Variants in PCDHGA7 observed in about 807,000 individuals in gnomAD.
PCDHGA7 encodes the protein protocadherin gamma-A7.
A neutral mutation model predicts 58.3 loss-of-function variants in PCDHGA7; 44 were observed. The observed-to-expected ratio is 0.75, with a 90% CI of 0.59 to 0.97. The LOEUF (loss-of-function observed/expected upper bound fraction) is 0.97. Ranked by LOEUF, PCDHGA7 falls within the 50% of genes least tolerant of loss-of-function variation. The pLI is 0.00. For synonymous variants in PCDHGA7, 516 were observed against 504.2 expected (o/e 1.02, Z -0.31); for missense variants, 1,266 against 1,188.7 (o/e 1.06, Z -0.96).
rs754018989 is a variant in PCDHGA7, at chr5:141,384,575, C to T, written c.1676C>T (p.Pro559Leu). ...TTCGTGCTGGACCAGAATGACAACC[C>T]GCCCGAGATCCTGTACCCGGCCCTC... ...SLFVLDQNDN[P>L]PEILYPALPT... The change falls in exon 1 of 4, where the codon CCG becomes CTG. Residue 559 changes from proline to leucine, a missense_variant. Physicochemically the swap from Pro to Leu is moderately conservative, Grantham distance 98. Transcript: ENST00000518325. The T allele has an allele frequency of 8.7e-6, 14 of 1,614,258 alleles. No homozygotes were observed. Among genetic ancestry groups the T allele is most frequent in the South Asian group, 2.2e-5 (2 of 91,092 alleles).
chr5:141,415,102 A>C, intron 1 of PCDHGA7: 1 of 1,613,550 alleles, frequency 6.2e-7, no homozygotes. Flanking sequence ...AGACGCGCTC[A>C]AGCAAAGCCT....
intron 1 of PCDHGA7, chr5:141,391,220 T>C (rs1189350408): frequency 6.6e-6 from 1 of 152,208 alleles, no homozygotes; most frequent in South Asian, 2.1e-4. Context: ...GAACATTATA[T>C]GAGCCTTTTG....
chr5:141,446,757 G>A (rs769049265), intron 1 of PCDHGA7, among the ~76,000 whole-genome samples: 10 of 152,158 alleles, frequency 6.6e-5, no homozygotes, highest in African/African-American at 1.4e-4. Context: ...GTGAGCCACC[G>A]CGCCCAGCCG....
intron 1 of PCDHGA7, chr5:141,410,095 C>T (rs2095356889): frequency 1.2e-6 from 2 of 1,612,676 alleles, no homozygotes; most frequent in Non-Finnish European, 1.7e-6. Flanking sequence ...CGGCTCGAGC[C>T]TTAGGCGACA....
rs377367120 is a variant in PCDHGA7, at chr5:141,431,614, C to A, written c.2424+46291C>A. On this transcript the variant is annotated intron_variant, in intron 1 of 3. Transcript: ENST00000518325. The surrounding 1 kb of genome is among the most constrained non-coding windows in gnomAD (Gnocchi z 4.8). ...TGAGGTATTCCTTCCGGTATGTGGA[C>A]GACAAGGCGGCCCAAGTTTTCAAAC... The A allele has an allele frequency of 8.7e-6, 14 of 1,614,206 alleles. No individual in the cohort carries two copies. In the African/African-American group the frequency reaches 1.6e-4, roughly 18 times the overall value.
At chr5:141,409,243 AATC>A in intron 1 of PCDHGA7, 1 of 1,614,032 alleles carries the variant, frequency 6.2e-7, no homozygotes, top group South Asian at 1.1e-5. Context: ...GCCCAGAAAT[AATC>A]ATCACTTCTC....
chr5:141,399,642 G>T lies in PCDHGA7; in HGVS notation c.2424+14319G>T. 1.9e-6 allele frequency: 3 copies of T among 1,613,750 alleles called. 1 individual carries two copies. Among genetic ancestry groups the T allele is most frequent in the Non-Finnish European group, 2.5e-6 (3 of 1,179,856 alleles). ...TGGCCTCTTACGTGTCCATGAGCGC[G>T]CAAAGTGGGGTGGTGTTCGCGCAGC... On this transcript the variant is annotated intron_variant, in intron 1 of 3. Transcript: ENST00000518325.
chr5:141,426,542 T>C, intron 1 of PCDHGA7: 1 of 347,918 alleles, frequency 2.9e-6, no homozygotes, highest in South Asian at 2.2e-5. Context: ...AACATACTTG[T>C]GAGTGACAGA....
At chr5:141,390,611 C>A (rs1248320569) in intron 1 of PCDHGA7, 1 of 295,950 alleles carries the variant, frequency 3.4e-6, no homozygotes, top group Admixed American at 4.8e-5. Context: ...CATTTTCCTT[C>A]TTGTTGACTA....
chr5:141,392,779 T>C (rs757880986), intron 1 of PCDHGA7: 1 of 1,534,720 alleles, frequency 6.5e-7, no homozygotes, highest in African/African-American at 1.4e-5. Context: ...TTATGCACAG[T>C]GAAGATTCTG....
chr5:141,472,602 T>A (rs1032061805), intron 1 of PCDHGA7, among the ~76,000 whole-genome samples: 1 of 152,026 alleles, frequency 6.6e-6, no homozygotes, highest in South Asian at 2.1e-4. Context: ...CTTGAAATTA[T>A]AAAACAAAGA....
rs1385557537 is a variant in PCDHGA7 at position 141,415,739 on chromosome 5, GGTT to G, written c.2424+30417_2424+30419del. 2.0e-4 allele frequency: 88 copies of G among 435,112 alleles called. 2 individuals are homozygous for G. In the African/African-American group the frequency reaches 2.4e-3, roughly 12 times the overall value. 27.0% of individuals were successfully genotyped at this position (435,112 alleles called of 1,614,324 possible). A position where few individuals can be genotyped will look rare whatever the true frequency, so the allele number is the denominator to read the frequency against. On this transcript the variant is annotated intron_variant, in intron 1 of 3. Coordinates refer to ENST00000518325, the MANE Select transcript of PCDHGA7 (RefSeq NM_018920.4). ...ATGAGTAGAATTTGATGTTTATTAA[GGTT>G]TTTTTTTTTTTTTTTTTTTTTTTTT...
rs760319541 is a variant in PCDHGA7, at chr5:141,477,772, C to T, written c.2425-17035C>T. 1.2e-6 allele frequency: 2 copies of T among 1,614,026 alleles called. No homozygotes were observed. Among genetic ancestry groups the T allele is most frequent in the South Asian group, 1.1e-5 (1 of 91,088 alleles). ...CCCCGGTCCTAGCCACCAACATCAGCGTGAACATATTTGTCACTGATCGCA... is the reference window on the plus strand; with the variant it reads ...CCCCGGTCCTAGCCACCAACATCAGTGTGAACATATTTGTCACTGATCGCA... On this transcript the variant is annotated intron_variant, in intron 1 of 3. Coordinates refer to ENST00000518325, the MANE Select transcript of PCDHGA7 (RefSeq NM_018920.4). This position sits in a 1 kb window ranked among gnomAD's most constrained non-coding sequence, Gnocchi z 4.9.
chr5:141,414,540 C>G, intron 1 of PCDHGA7: 1 of 1,613,948 alleles, frequency 6.2e-7, no homozygotes. Flanking sequence ...ACCCACCTAC[C>G]TTCTCTCAAG....
At chr5:141,406,650 C>T (rs2094835563) in intron 1 of PCDHGA7, among the ~76,000 whole-genome samples, 1 of 152,130 alleles carries the variant, frequency 6.6e-6, no homozygotes, top group Non-Finnish European at 1.5e-5. Context: ...TTTCCTAATG[C>T]TTTAATGTTA....
At position 141,383,848 on chromosome 5, in the gene PCDHGA7, A is replaced by G; in HGVS notation, c.949A>G (p.Met317Val). 6.2e-7 allele frequency: 1 copy of G among 1,613,980 alleles called. No individual in the cohort carries two copies. The stretch of plus-strand genomic sequence containing the variant: ...TTATGAAGAAACTGCCTTCTATGAA[A>G]TGGAGGTTCAGGCTCAAGATGGTCC... ...LDYEETAFYE[M>V]EVQAQDGPGS... Residue 317 changes from methionine to valine, a missense_variant, in exon 1 of 4, where the codon ATG (methionine) becomes GTG (valine). Met to Val is a conservative substitution (Grantham distance 21). Coordinates refer to ENST00000518325, the MANE Select transcript of PCDHGA7 (RefSeq NM_018920.4).
At chr5:141,400,018 A>G in intron 1 of PCDHGA7, 2 of 1,612,648 alleles carry the variant, frequency 1.2e-6, no homozygotes, top group African/African-American at 1.3e-5. Context: ...CTTGGGCGAC[A>G]GGGACGCGGC....
chr5:141,402,892 A>G, intron 1 of PCDHGA7: 10 of 1,498,814 alleles, frequency 6.7e-6, no homozygotes, highest in Non-Finnish European at 8.9e-6. Flanking sequence ...GGTGGAAGAA[A>G]GAACCTGATG....
Position 141,385,306 on chromosome 5 carries a change from A to T in PCDHGA7, c.2407A>T (p.Asn803Tyr), listed in dbSNP as rs1479708640. The T allele has an allele frequency of 8.7e-6, 14 of 1,612,618 alleles. No individual in the cohort carries two copies. The highest frequency in any genetic ancestry group is 1.2e-5 in the Non-Finnish European group (14 of 1,179,090). ...CGTAGATTTTCAGGAATGTAAAGAA[A>T]ACCTGCCAAGTATTCAGGTGAGCCC... ...TSVDFQECKENLPSIQQAPPN... is the reference protein window; with the variant it reads ...TSVDFQECKEYLPSIQQAPPN... Residue 803 changes from asparagine to tyrosine, a missense_variant, in exon 1 of 4, where the codon AAC becomes TAC. Physicochemically the swap from Asn to Tyr is moderately radical, Grantham distance 143. Coordinates refer to ENST00000518325, the MANE Select transcript of PCDHGA7 (RefSeq NM_018920.4).
Sources: allele counts gnomAD v4.1 joint callset (sites outside exome capture counted in the v4.1 genomes callset), GRCh38; gene constraint gnomAD v4.1.1; non-coding constraint Gnocchi (gnomAD v3.1); transcripts MANE v1.5; gene names NCBI Gene and HGNC (gene_info 2026-07-23, HGNC 2026-07-21).